The following SEPTIN14 variants were observed in gnomAD, a reference collection of about 807,000 sequenced individuals.
The protein encoded by SEPTIN14 is septin-14.
A neutral mutation model predicts 53.6 loss-of-function variants in SEPTIN14; 40 were observed. The observed-to-expected ratio is 0.75, with a 90% confidence interval of 0.58 to 0.97. The LOEUF is 0.97. Ranked by LOEUF, SEPTIN14 falls within the 50% of genes least tolerant of loss-of-function variation. The pLI is 0.00. For missense variants in SEPTIN14, 471 were observed against 508.2 expected, an observed-to-expected ratio of 0.93 and a Z score of 0.70; for synonymous variants, 138 against 166.8, an observed-to-expected ratio of 0.83 and a Z score of 1.33.
rs1056959106 is a variant in SEPTIN14, at chr7:55,807,168, T to C, written c.908A>G (p.Gln303Arg). The C allele has an allele frequency of 1.9e-6, 3 of 1,611,236 alleles. No individual in the cohort carries two copies. Among genetic ancestry groups the C allele is most frequent in the Non-Finnish European group, 2.5e-6 (3 of 1,178,896 alleles). The change falls in exon 8 of 10, where the codon CAG (glutamine) becomes CGG (arginine). Residue 303 changes from glutamine (Q) to arginine (R), a missense_variant. Transcript: ENST00000388975. ...TTGGTACCTATAACATTCATAGTGC[T>C]GAGTGTGGGTTTTTTCTTTTAGATT... ...MENLKEKTHT[Q>R]HYECYRYQKL...
At chr7:55,800,795 A>G (rs1168705784) in intron 9 of SEPTIN14, among the ~76,000 whole-genome samples, 1 of 152,188 alleles carries the variant, frequency 6.6e-6, no homozygotes, top group Non-Finnish European at 1.5e-5. Flanking sequence ...ACTATACACA[A>G]TAATAATTTA....
At chr7:55,811,493 G>GTTTTTTT (rs1788704853) in intron 7 of SEPTIN14, 1 of 236,714 alleles carries the variant, frequency 4.2e-6, no homozygotes, top group Non-Finnish European at 8.2e-6. Flanking sequence ...AAGTTTTACA[G>GTTTTTTT]TTCTTTTTTT....
intron 2 of SEPTIN14, among the ~76,000 whole-genome samples, chr7:55,848,505 T>G (rs6953229): frequency 1.3e-5 from 2 of 151,936 alleles, no homozygotes; most frequent in Admixed American, 1.3e-4. Context: ...CCATGTTGCT[T>G]GGGCTGGTCT....
chr7:55,818,740 T>C (rs967770447), intron 7 of SEPTIN14, among the ~76,000 whole-genome samples: 14 of 152,214 alleles, frequency 9.2e-5, no homozygotes, highest in African/African-American at 1.4e-4. Context: ...TAGGTAGTAA[T>C]GAGTTTATGT....
In SEPTIN14 at chr7:55,796,095, G is replaced by C; in HGVS notation, c.1120-3C>G. ...AGATGCTCGAACTTGTCCTGCAGCT[G>C]TGAAACCAATGTGCAGTTGTGACAC... On this transcript the variant is annotated splice_region_variant and splice_polypyrimidine_tract_variant and intron_variant, in intron 9 of 9. Coordinates refer to ENST00000388975, the MANE Select transcript of SEPTIN14 (RefSeq NM_207366.3). The C allele has an allele frequency of 6.7e-7, 1 of 1,494,738 alleles. No individual in the cohort carries two copies. Among genetic ancestry groups the C allele is most frequent in the East Asian group, 2.3e-5 (1 of 44,396 alleles). The allele number at this position is 1,494,738 out of a possible 1,614,324, so 92.6% of individuals were successfully genotyped here.
intron 5 of SEPTIN14, among the ~76,000 whole-genome samples, chr7:55,838,920 C>T (rs896128096): frequency 6.6e-6 from 1 of 152,120 alleles, no homozygotes; most frequent in African/African-American, 2.4e-5. Context: ...TCTAGAAATA[C>T]ACAATGTAGA....
chr7:55,845,608 T>C (rs921228913), intron 3 of SEPTIN14, among the ~76,000 whole-genome samples: 4 of 152,306 alleles, frequency 2.6e-5, no homozygotes, highest in South Asian at 4.1e-4. Flanking sequence ...ATTCACTTGA[T>C]TGAATCATTC....
At chr7:55,810,501 G>C (rs1788681318) in intron 7 of SEPTIN14, among the ~76,000 whole-genome samples, 1 of 133,296 alleles carries the variant, frequency 7.5e-6, no homozygotes. Flanking sequence ...TTGAGGCAGA[G>C]TCTTGCTCTG....
In SEPTIN14 at chr7:55,846,527, AAT is replaced by A; in HGVS notation, c.163_164del (p.Ile55SerfsTer19). ...GTGTTTGACACTTACCCACACAGAG[AAT>A]ATTAAAAGTGAATCCTTGTCGGATA... The part of the protein sequence containing the change: ...RSIRQGFTFN[I>X]LCVGETGIGK... On this transcript the variant is annotated frameshift_variant, in exon 3 of 10. Coordinates refer to ENST00000388975, the MANE Select transcript of SEPTIN14 (RefSeq NM_207366.3). LOFTEE classifies it high-confidence loss of function. The A allele has an allele frequency of 1.3e-6, 2 of 1,587,876 alleles. No homozygotes were observed. The highest frequency in any genetic ancestry group is 1.7e-6 in the Non-Finnish European group (2 of 1,170,188).
At chr7:55,813,439 G>A (rs1453812511) in intron 7 of SEPTIN14, among the ~76,000 whole-genome samples, 2 of 152,212 alleles carry the variant, frequency 1.3e-5, no homozygotes, top group Non-Finnish European at 2.9e-5. Context: ...CTTGCTCAGA[G>A]CCAGTGGAAT....
Position 55,854,078 on chromosome 7 carries a change from G to C in SEPTIN14, c.55-7441C>G, listed in dbSNP as rs546362024. Among the ~76,000 whole-genome samples the C allele has an allele frequency of 6.6e-5, 10 of 152,030 alleles. No individual in the cohort carries two copies. In the South Asian group the frequency reaches 2.1e-3, roughly 32 times the overall value. On this transcript the variant is annotated intron_variant, in intron 2 of 9. Coordinates refer to ENST00000388975, the MANE Select transcript of SEPTIN14 (RefSeq NM_207366.3). ...AGAGTTTGCAGTGAGCTATGATTGT[G>C]CCACTGCGCTGCAGCCTGGGTAACC... is the stretch of plus-strand genomic sequence containing the variant.
chr7:55,810,248 G>T (rs1352675024), intron 7 of SEPTIN14, among the ~76,000 whole-genome samples: 1 of 151,686 alleles, frequency 6.6e-6, no homozygotes, highest in East Asian at 1.9e-4. Context: ...TTTGCCATTT[G>T]TATTTCTTCT....
At chr7:55,796,302 T>G (rs1788430989) in intron 9 of SEPTIN14, among the ~76,000 whole-genome samples, 1 of 152,132 alleles carries the variant, frequency 6.6e-6, no homozygotes, top group Non-Finnish European at 1.5e-5. Context: ...CTCACTCTGC[T>G]GCCCAGGCTG....
intron 6 of SEPTIN14, among the ~76,000 whole-genome samples, chr7:55,831,459 T>C (rs986691890): frequency 3.9e-5 from 6 of 152,166 alleles, no homozygotes; most frequent in African/African-American, 9.7e-5. Flanking sequence ...TTTCTCATCA[T>C]ATACAAACTT....
intron 7 of SEPTIN14, among the ~76,000 whole-genome samples, chr7:55,808,600 G>A (rs996612607): frequency 1.3e-5 from 2 of 152,030 alleles, no homozygotes; most frequent in Non-Finnish European, 2.9e-5. Flanking sequence ...CACCCAGGCT[G>A]GAGTGCAGCA....
intron 2 of SEPTIN14, among the ~76,000 whole-genome samples, chr7:55,858,575 C>T (rs891090615): frequency 3.9e-5 from 6 of 152,096 alleles, no homozygotes; most frequent in Non-Finnish European, 8.8e-5. Context: ...GAGGCAGAGG[C>T]GAGCAGATCA....
In SEPTIN14 at chr7:55,844,648, G is replaced by T; in HGVS notation, c.246C>A (p.Ser82=). The part of the protein sequence containing the change: ...LFNTNLKDNK[S]SHFYSNVGLQ... Reference sequence around the variant, plus strand: ...GTCCAACATTTGAGTAAAAATGTGAGGATTTGTTATCTTTCAAGTTAGTAT... The same window carrying T: ...GTCCAACATTTGAGTAAAAATGTGATGATTTGTTATCTTTCAAGTTAGTAT... Residue 82 remains serine, a synonymous_variant, in exon 4 of 10, where the codon TCC becomes TCA. Coordinates refer to ENST00000388975, the MANE Select transcript of SEPTIN14 (RefSeq NM_207366.3). 6.2e-7 allele frequency: 1 copy of T among 1,610,364 alleles called. No individual in the cohort carries two copies. The highest frequency in any genetic ancestry group is 8.5e-7 in the Non-Finnish European group (1 of 1,177,140).
intron 9 of SEPTIN14, among the ~76,000 whole-genome samples, chr7:55,802,083 C>A (rs1788529878): frequency 6.6e-6 from 1 of 151,088 alleles, no homozygotes; most frequent in Non-Finnish European, 1.5e-5. Flanking sequence ...CAGCTCACTG[C>A]AACCTTCACC....
Position 55,805,071 on chromosome 7 carries a change from C to A in SEPTIN14, c.1119+187G>T, listed in dbSNP as rs73701151. 4.7e-3 allele frequency among the ~76,000 whole-genome samples: 707 copies of A among 152,018 alleles called. 5 individuals are homozygous for A. Among genetic ancestry groups the A allele is most frequent in the African/African-American group, 0.016 (679 of 41,492 alleles). The stretch of plus-strand genomic sequence containing the variant: ...GTTATTTAAATGGGAAAATTAAGTT[C>A]TCTAGAAAAAACACTACAGACTATA... On this transcript the variant is annotated intron_variant, in intron 9 of 9. Transcript: ENST00000388975.
Sources: gnomAD v4.1 joint callset for allele counts (sites outside exome capture counted in the v4.1 genomes callset) on GRCh38, gnomAD v4.1.1 for gene constraint, MANE v1.5 for transcripts, NCBI Gene and HGNC (gene_info 2026-07-23, HGNC 2026-07-21) for gene names.